SOX13: variants seen among roughly 807,000 people sequenced by gnomAD.
SOX13 encodes the protein transcription factor SOX-13.
In SOX13, 28 loss-of-function variants were observed where a neutral mutation model predicts 71.8. The ratio of observed to expected loss-of-function variants is 0.39; its 90% CI spans 0.29 to 0.53. SOX13 has a LOEUF of 0.53. Among genes scored for constraint, SOX13 ranks in the 20% least tolerant of loss-of-function variants. SOX13 has a pLI of 0.70. For synonymous variants in SOX13, 309 were observed against 317.8 expected, an observed-to-expected ratio of 0.97 and a Z score of 0.29; for missense variants, 627 against 810.3, an observed-to-expected ratio of 0.77 and a Z score of 2.75.
chr1:204,084,034 C>T (rs548515017), intron 1 of SOX13, among the ~76,000 whole-genome samples: 1 of 152,214 alleles, frequency 6.6e-6, no homozygotes, highest in African/African-American at 2.4e-5. Flanking sequence ...CCTCTAAGGG[C>T]ATGTCAGATG....
At chr1:204,105,459 G>A (rs1183762093) in intron 1 of SOX13, among the ~76,000 whole-genome samples, 2 of 142,846 alleles carry the variant, frequency 1.4e-5, no homozygotes, top group African/African-American at 5.6e-5. Context: ...AGGCTGGAGT[G>A]CAGCAGTGCA....
Position 204,123,691 on chromosome 1 carries a change from G to A in SOX13, c.1262G>A (p.Ser421Asn). ...GSRHFPESRN[S>N]SHIKRPMNAF... Reference sequence around the variant, plus strand: ...CGCCACTTCCCCGAGTCCCGAAACAGCAGCCACATCAAGAGGCCCATGAAC... The same window carrying A: ...CGCCACTTCCCCGAGTCCCGAAACAACAGCCACATCAAGAGGCCCATGAAC... Residue 421 changes from serine (S) to asparagine (N), a missense_variant, in exon 12 of 14, where the codon AGC becomes AAC. Physicochemically the swap from Ser to Asn is conservative, Grantham distance 46. This residue lies in a region of SOX13 where 447 missense variants were observed against 532.2 expected (regional missense o/e 0.84). Transcript: ENST00000367204. The surrounding 1 kb of genome is among the most constrained non-coding windows in gnomAD (Gnocchi z 5.0). The A allele has an allele frequency of 6.2e-7, 1 of 1,614,092 alleles. No individual in the cohort carries two copies. The highest frequency in any genetic ancestry group is 8.5e-7 in the Non-Finnish European group (1 of 1,180,018).
Position 204,123,216 on chromosome 1 carries a change from C to T in SOX13, c.1231+8C>T, listed in dbSNP as rs752551989. On this transcript the variant is annotated splice_region_variant and intron_variant, in intron 11 of 13. Coordinates refer to ENST00000367204, the MANE Select transcript of SOX13 (RefSeq NM_005686.3). This position sits in a 1 kb window ranked among gnomAD's most constrained non-coding sequence, Gnocchi z 5.0. ...TGAGCTGCGACATGGATGGTGAGGG[C>T]TCAGGCGCAGGGCTGATGCGCAGGA... 6.2e-7 allele frequency: 1 copy of T among 1,609,068 alleles called. No homozygotes were observed. The highest frequency in any genetic ancestry group is 2.2e-5 in the East Asian group (1 of 44,848).
chr1:204,090,196 G>A (rs1012727941), intron 1 of SOX13, among the ~76,000 whole-genome samples: 8 of 152,176 alleles, frequency 5.3e-5, no homozygotes, highest in Non-Finnish European at 1.2e-4. Flanking sequence ...GGGACTCTGG[G>A]TAGAGCCAGC....
chr1:204,115,657 C>CTTTT (rs771014997), intron 4 of SOX13, among the ~76,000 whole-genome samples: 784 of 57,400 alleles, frequency 0.014, 37 homozygotes, highest in East Asian at 0.026. Context: ...GCTTCTTCTT[C>CTTTT]TTTTTTTTTT....
chr1:204,111,493 G>A (rs970191211), intron 1 of SOX13, among the ~76,000 whole-genome samples: 13 of 152,162 alleles, frequency 8.5e-5, no homozygotes, highest in South Asian at 2.1e-4. Context: ...GAGATGCTGC[G>A]ATTGCTCAGC....
chr1:204,081,575 T>A lies in SOX13; in HGVS notation c.-2+7864T>A, dbSNP rs994373075. ...CCTGGGACTCATGGGGCCTCCTGCT[T>A]TGGCCCTGGCGCCTAGGAAAGGCTA... On this transcript the variant is annotated intron_variant, in intron 1 of 13. Transcript: ENST00000367204. This position sits in a 1 kb window ranked among gnomAD's most constrained non-coding sequence, Gnocchi z 4.3. Among the ~76,000 whole-genome samples the A allele has an allele frequency of 4.6e-5, 7 of 152,068 alleles. No homozygotes were observed. Among genetic ancestry groups the A allele is most frequent in the Non-Finnish European group, 1.0e-4 (7 of 67,996 alleles).
rs756759597 is a variant in SOX13 at position 204,122,958 on chromosome 1, C to T, written c.1129C>T (p.Arg377Cys). The T allele has an allele frequency of 1.6e-5, 25 of 1,582,482 alleles. No homozygotes were observed. Among genetic ancestry groups the T allele is most frequent in the Non-Finnish European group, 2.0e-5 (23 of 1,160,062 alleles). ...GGATGGCTCCCCCAACACCCCCTTC[C>T]GTAAGGTATGGTCCCCCACTCCCTT... The part of the protein sequence containing the change: ...ALDGSPNTPF[R>C]KDLISLDSSP... The change falls in exon 10 of 14, where the codon CGT becomes TGT. Residue 377 changes from arginine to cysteine, a missense_variant. By Grantham distance (180) the Arg-to-Cys change is radical. Transcript: ENST00000367204.
intron 1 of SOX13, among the ~76,000 whole-genome samples, chr1:204,091,107 C>T (rs1165896465): frequency 1.3e-5 from 2 of 152,224 alleles, no homozygotes; most frequent in African/African-American, 4.8e-5. Flanking sequence ...TCCAACAGAA[C>T]ACTGTTCTTT....
At chr1:204,115,964 C>T (rs1196151530) in intron 4 of SOX13, 2 of 242,736 alleles carry the variant, frequency 8.2e-6, no homozygotes, top group African/African-American at 2.3e-5. Flanking sequence ...CCACACCTGG[C>T]CTCTATTAGC....
intron 1 of SOX13, among the ~76,000 whole-genome samples, chr1:204,080,816 G>A (rs905422952): frequency 6.6e-6 from 1 of 152,056 alleles, no homozygotes; most frequent in African/African-American, 2.4e-5. Flanking sequence ...TCCACCATGC[G>A]GGGCAGGTGC....
At position 204,123,342 on chromosome 1, in the gene SOX13, T is replaced by C; in HGVS notation, c.1231+134T>C. ...CCTTTCCAGGTGTGTGTGCCTCTGC[T>C]GTCCCATTATGTGTCTGTCGGCTCT... On this transcript the variant is annotated intron_variant, in intron 11 of 13. Transcript: ENST00000367204. The surrounding 1 kb of genome is among the most constrained non-coding windows in gnomAD (Gnocchi z 5.0). The C allele has an allele frequency of 2.7e-6, 2 of 737,376 alleles. No individual in the cohort carries two copies. Among genetic ancestry groups the C allele is most frequent in the Non-Finnish European group, 4.8e-6 (2 of 421,044 alleles). 45.7% of individuals were successfully genotyped at this position (737,376 alleles called of 1,614,324 possible). A position where few individuals can be genotyped will look rare whatever the true frequency, so the allele number is the denominator to read the frequency against.
chr1:204,117,788 C>A, intron 7 of SOX13, 81 bp downstream of exon 7: 1 of 858,372 alleles, frequency 1.2e-6, no homozygotes, highest in Non-Finnish European at 1.9e-6. Context: ...CACTCTCATC[C>A]ATTAATTTGC....
intron 1 of SOX13, among the ~76,000 whole-genome samples, chr1:204,098,891 C>G (rs1656306191): frequency 1.3e-5 from 2 of 152,338 alleles, no homozygotes; most frequent in Admixed American, 1.3e-4. Flanking sequence ...GAGCTCTTCA[C>G]CCATGTTCAC....
At chr1:204,089,537 G>A (rs920471320) in intron 1 of SOX13, among the ~76,000 whole-genome samples, 4 of 152,236 alleles carry the variant, frequency 2.6e-5, no homozygotes, top group Non-Finnish European at 5.9e-5. Flanking sequence ...GCTGTGTGAG[G>A]GGACCCCGGA....
chr1:204,116,134 A>C, intron 4 of SOX13: 2 of 1,212,464 alleles, frequency 1.6e-6, no homozygotes, highest in South Asian at 1.5e-5. Context: ...TCTTGCTTCA[A>C]AGCCTGAGTG....
intron 1 of SOX13, among the ~76,000 whole-genome samples, chr1:204,109,048 C>T (rs936497424): frequency 7.9e-5 from 12 of 152,246 alleles, no homozygotes; most frequent in South Asian, 2.1e-4. Context: ...GAGCCCCTCC[C>T]GGTGCCCGGA....
intron 1 of SOX13, among the ~76,000 whole-genome samples, chr1:204,093,968 C>G (rs1255229420): frequency 6.6e-6 from 1 of 152,162 alleles, no homozygotes; most frequent in Non-Finnish European, 1.5e-5. Context: ...CCTGCCTATA[C>G]TTTTGTCTCT....
At chr1:204,087,948 G>A (rs929767748) in intron 1 of SOX13, among the ~76,000 whole-genome samples, 7 of 152,230 alleles carry the variant, frequency 4.6e-5, no homozygotes, top group African/African-American at 1.4e-4. Flanking sequence ...TGGATCTGCA[G>A]GGATGAGGCT....
Sources: gnomAD v4.1 joint callset for allele counts (sites outside exome capture counted in the v4.1 genomes callset) on GRCh38, gnomAD v4.1.1 for gene constraint, gnomAD v4.1.1 regional missense constraint, Gnocchi (gnomAD v3.1) non-coding constraint, MANE v1.5 for transcripts, NCBI Gene and HGNC (gene_info 2026-07-23, HGNC 2026-07-21) for gene names.